Variants in CADM2 observed in about 807,000 individuals in gnomAD.
CADM2 encodes immunoglobulin superfamily member 4D.
CADM2 carries 12 observed loss-of-function variants against 49.8 expected under a neutral mutation model. The ratio of observed to expected loss-of-function variants is 0.24; its 90% confidence interval spans 0.15 to 0.39. The LOEUF is 0.39. CADM2 is among the 10% of genes least tolerant of loss of function. The pLI is 1.00. For synonymous variants in CADM2, 214 were observed against 175.4 expected, an observed-to-expected ratio of 1.22 and a Z score of -1.74; for missense variants, 378 against 492.3, an observed-to-expected ratio of 0.77 and a Z score of 2.20.
At position 85,198,014 on chromosome 3, in the gene CADM2, C is replaced by A. The variant is rs143731115; in HGVS notation, c.61+238346C>A. On this transcript the variant is annotated intron_variant, in intron 1 of 9. Coordinates refer to ENST00000383699, the MANE Select transcript of CADM2 (RefSeq NM_001167675.2). Reference sequence around the variant, plus strand: ...CTTCGGTTAATATTTCACTGATATCCTAGCTTGCCCTATTTAGTTACCCAG... The same window carrying A: ...CTTCGGTTAATATTTCACTGATATCATAGCTTGCCCTATTTAGTTACCCAG... Among the ~76,000 whole-genome samples the A allele has an allele frequency of 4.6e-4, 70 of 151,942 alleles. 1 individual carries two copies. In the East Asian group the frequency reaches 0.012, roughly 26 times the overall value.
chr3:86,014,159 G>A lies in CADM2; in HGVS notation c.971-51446G>A, dbSNP rs1195876173. 4.7e-6 allele frequency: 6 copies of A among 1,288,648 alleles called. 1 individual carries two copies. 79.8% of individuals were successfully genotyped at this position (1,288,648 alleles called of 1,614,324 possible). A position where few individuals can be genotyped will look rare whatever the true frequency, so the allele number is the denominator to read the frequency against. On this transcript the variant is annotated intron_variant, in intron 8 of 9. Coordinates refer to ENST00000383699, the MANE Select transcript of CADM2 (RefSeq NM_001167675.2). ...CTTTTGAAATTTTGGTGGAACTCCT[G>A]CAAGCACTTGTTTTAGGTTCAGATG...
chr3:85,680,219 A>T (rs1313788985), intron 1 of CADM2, among the ~76,000 whole-genome samples: 1 of 152,090 alleles, frequency 6.6e-6, no homozygotes, highest in Non-Finnish European at 1.5e-5. Context: ...GTGAAAATAT[A>T]AAAATTTTTC....
intron 1 of CADM2, among the ~76,000 whole-genome samples, chr3:85,424,082 T>A (rs2036290860): frequency 6.6e-6 from 1 of 152,092 alleles, no homozygotes; most frequent in Non-Finnish European, 1.5e-5. Context: ...TAGTTGAAGG[T>A]GTAAAATATT....
intron 1 of CADM2, among the ~76,000 whole-genome samples, chr3:85,345,016 G>A (rs773912432): frequency 4.7e-4 from 71 of 152,028 alleles, no homozygotes; most frequent in Non-Finnish European, 9.1e-4. Flanking sequence ...CAAGCATGAT[G>A]TAATTTGTCA....
chr3:85,287,840 C>T (rs977049051), intron 1 of CADM2, among the ~76,000 whole-genome samples: 6 of 151,352 alleles, frequency 4.0e-5, no homozygotes, highest in African/African-American at 1.2e-4. Context: ...AGCAAACTAT[C>T]GCAAGGACCA....
In CADM2 at chr3:85,771,095, A is replaced by T. The variant is rs537966697; in HGVS notation, c.89-30952A>T. 9.2e-5 allele frequency among the ~76,000 whole-genome samples: 14 copies of T among 152,260 alleles called. No homozygotes were observed. In the East Asian group the frequency reaches 2.7e-3, roughly 29 times the overall value. The stretch of plus-strand genomic sequence containing the variant: ...GTCCTCTTATTTTTAAGAATTAGAA[A>T]ACAATAACTCTTCCAACAAATTTAT... On this transcript the variant is annotated intron_variant, in intron 2 of 9. Transcript: ENST00000383699.
intron 1 of CADM2, among the ~76,000 whole-genome samples, chr3:85,273,759 G>A (rs914453741): frequency 1.3e-5 from 2 of 149,676 alleles, no homozygotes; most frequent in African/African-American, 2.5e-5. Context: ...ACTCTTGGAG[G>A]TGTAAGCTCA....
intron 8 of CADM2, chr3:86,028,157 T>C (rs1465385213): frequency 1.3e-5 from 2 of 149,518 alleles, no homozygotes; most frequent in Non-Finnish European, 3.0e-5. Context: ...CATATGTAAC[T>C]AACCTGCACG....
Position 85,829,457 on chromosome 3 carries a change from G to GA in CADM2, c.238+27268dup, listed in dbSNP as rs1310452748. On this transcript the variant is annotated intron_variant, in intron 3 of 9. Transcript: ENST00000383699. ...TGTTTTCCAAATGTAGTTAACTATG[G>GA]AAAAAAATCACTATACATTTATTCT... 3.3e-5 allele frequency among the ~76,000 whole-genome samples: 5 copies of GA among 151,578 alleles called. No homozygotes were observed. In the South Asian group the frequency reaches 8.3e-4, roughly 25 times the overall value.
chr3:85,613,930 G>C (rs556529528), intron 1 of CADM2, among the ~76,000 whole-genome samples: 1 of 151,406 alleles, frequency 6.6e-6, no homozygotes, highest in Non-Finnish European at 1.5e-5. Flanking sequence ...TAAAAATGAC[G>C]GAACGGTAGT....
intron 1 of CADM2, among the ~76,000 whole-genome samples, chr3:85,629,906 A>G (rs1292835085): frequency 1.3e-5 from 2 of 151,968 alleles, no homozygotes; most frequent in Non-Finnish European, 2.9e-5. Flanking sequence ...AAAAGTATCT[A>G]CTTCATATGG....
At chr3:85,965,174 G>A (rs1398944435) in intron 8 of CADM2, among the ~76,000 whole-genome samples, 4 of 150,816 alleles carry the variant, frequency 2.7e-5, no homozygotes, top group Non-Finnish European at 3.0e-5. Flanking sequence ...TAGTAAGATG[G>A]TCATACAATG....
At chr3:85,883,265 A>G in intron 3 of CADM2, 26 bp from the exon 4 acceptor site, 2 of 1,589,078 alleles carry the variant, frequency 1.3e-6, no homozygotes, top group Non-Finnish European at 1.7e-6. Flanking sequence ...GTCCTTATTT[A>G]CATTTTCAAT....
chr3:85,349,334 T>G (rs1311529302), intron 1 of CADM2, among the ~76,000 whole-genome samples: 2 of 152,262 alleles, frequency 1.3e-5, no homozygotes, highest in Non-Finnish European at 2.9e-5. Context: ...TGTTTCTTCG[T>G]GTGTTTGTAT....
intron 1 of CADM2, among the ~76,000 whole-genome samples, chr3:85,520,720 T>G (rs1223082984): frequency 6.6e-6 from 1 of 152,068 alleles, no homozygotes; most frequent in Non-Finnish European, 1.5e-5. Context: ...CTTAAGAAAT[T>G]TATTTAAAGA....
intron 1 of CADM2, among the ~76,000 whole-genome samples, chr3:85,637,621 A>ATAAAATAAAATACAAT: frequency 8.7e-6 from 1 of 114,500 alleles, no homozygotes; most frequent in East Asian, 2.3e-4. Flanking sequence ...AAAAAAAAAA[A>ATAAAATAAAATACAAT]AAAATAAAAT....
chr3:85,341,710 C>A (rs58416672), intron 1 of CADM2, among the ~76,000 whole-genome samples: 10,821 of 151,420 alleles, frequency 0.071, 727 homozygotes, highest in African/African-American at 0.17. Flanking sequence ...CAAAAACACA[C>A]AAAAAAAGAG....
chr3:86,011,096 G>A (rs1044312779), intron 8 of CADM2, among the ~76,000 whole-genome samples: 15 of 151,994 alleles, frequency 9.9e-5, no homozygotes, highest in Non-Finnish European at 1.9e-4. Flanking sequence ...TGGAGAAGAA[G>A]CAAAGCTTCC....
intron 1 of CADM2, among the ~76,000 whole-genome samples, chr3:85,061,474 G>C (rs1037534319): frequency 6.6e-6 from 1 of 152,070 alleles, no homozygotes; most frequent in African/African-American, 2.4e-5. Context: ...GGGAAAAACA[G>C]TTACATTTTT....
Sources: allele counts gnomAD v4.1 joint callset (sites outside exome capture counted in the v4.1 genomes callset), GRCh38; gene constraint gnomAD v4.1.1; transcripts MANE v1.5; gene names NCBI Gene and HGNC (gene_info 2026-07-23, HGNC 2026-07-21).